Variants in AKT3 observed in about 807,000 individuals in gnomAD.
AKT3 encodes RAC-gamma serine/threonine-protein kinase.
A neutral mutation model predicts 65.3 loss-of-function variants in AKT3; 15 were observed. That is an observed-to-expected ratio of 0.23 (90% confidence interval 0.15 to 0.35). AKT3 has a LOEUF of 0.35. AKT3 is among the 10% of genes least tolerant of loss of function. AKT3 has a pLI of 1.00. For missense variants in AKT3, 243 were observed against 576.5 expected, an observed-to-expected ratio of 0.42 and a Z score of 5.92; for synonymous variants, 206 against 183.8, an observed-to-expected ratio of 1.12 and a Z score of -0.98.
At chr1:243,679,223 C>T (rs1055982923) in intron 3 of AKT3, among the ~76,000 whole-genome samples, 6 of 152,062 alleles carry the variant, frequency 3.9e-5, no homozygotes, top group African/African-American at 1.4e-4. Flanking sequence ...AGCTTCTGGG[C>T]AACAGTAGGA....
At chr1:243,711,309 C>T (rs188225805) in intron 2 of AKT3, among the ~76,000 whole-genome samples, 4 of 152,234 alleles carry the variant, frequency 2.6e-5, no homozygotes, top group East Asian at 1.9e-4. Flanking sequence ...GCCTGGGTGA[C>T]GGAGTGAGAC....
At chr1:243,815,128 T>C (rs188435942) in intron 2 of AKT3, among the ~76,000 whole-genome samples, 1 of 152,296 alleles carries the variant, frequency 6.6e-6, no homozygotes, top group Admixed American at 6.5e-5. Flanking sequence ...TCAATGATCA[T>C]ACGAAGAGGC....
intron 12 of AKT3, among the ~76,000 whole-genome samples, chr1:243,539,890 G>A (rs899221201): frequency 1.4e-4 from 22 of 152,112 alleles, no homozygotes; most frequent in Non-Finnish European, 7.4e-5. Context: ...ATTCATCTGA[G>A]TAACAACAGA....
At chr1:243,850,554 C>A (rs1695737527), upstream of AKT3, among the ~76,000 whole-genome samples, 1 of 151,578 alleles carries the variant, frequency 6.6e-6, no homozygotes, top group Non-Finnish European at 1.5e-5. Flanking sequence ...GCCTCCCCGC[C>A]CCCTCCTTCC....
At chr1:243,708,404 G>T (rs981074377) in intron 2 of AKT3, among the ~76,000 whole-genome samples, 14 of 151,976 alleles carry the variant, frequency 9.2e-5, no homozygotes, top group African/African-American at 3.4e-4. Context: ...TCTGAGGGCA[G>T]TATTACCTAA....
intron 3 of AKT3, chr1:243,687,389 G>C (rs2147998387): frequency 6.6e-6 from 1 of 152,270 alleles, no homozygotes; most frequent in Admixed American, 6.5e-5. Flanking sequence ...CTCTAAAACA[G>C]AAATCTGATC....
chr1:243,663,905 G>T (rs1313268898), intron 4 of AKT3, among the ~76,000 whole-genome samples: 2 of 152,196 alleles, frequency 1.3e-5, no homozygotes, highest in African/African-American at 4.8e-5. Flanking sequence ...AGATCAGGAG[G>T]ATAAAAATGT....
intron 2 of AKT3, among the ~76,000 whole-genome samples, chr1:243,753,724 T>C (rs1039677784): frequency 6.6e-5 from 10 of 152,196 alleles, no homozygotes; most frequent in Admixed American, 3.9e-4. Context: ...TTGTTCTCTA[T>C]TGTCTGCTAT....
chr1:243,670,750 T>A (rs1683103352), intron 3 of AKT3, among the ~76,000 whole-genome samples: 1 of 150,748 alleles, frequency 6.6e-6, no homozygotes, highest in Non-Finnish European at 1.5e-5. Flanking sequence ...TTATATTAGA[T>A]AGTTATACAC....
chr1:243,564,099 A>G (rs1673988436), intron 9 of AKT3, among the ~76,000 whole-genome samples: 1 of 152,232 alleles, frequency 6.6e-6, no homozygotes, highest in Non-Finnish European at 1.5e-5. Flanking sequence ...TTTAAGAGCC[A>G]TTATTTTGTA....
intron 2 of AKT3, among the ~76,000 whole-genome samples, chr1:243,711,127 T>G (rs1290012332): frequency 6.6e-6 from 1 of 152,176 alleles, no homozygotes; most frequent in African/African-American, 2.4e-5. Context: ...CAGACAAGCC[T>G]GGCCAACAAA....
chr1:243,553,678 T>C (rs758975866), intron 10 of AKT3, among the ~76,000 whole-genome samples: 10 of 152,262 alleles, frequency 6.6e-5, no homozygotes, highest in East Asian at 3.9e-4. Flanking sequence ...TCCCAAAATA[T>C]ATTACACGTA....
intron 2 of AKT3, among the ~76,000 whole-genome samples, chr1:243,767,925 CA>C (rs1219147720): frequency 6.6e-6 from 1 of 151,414 alleles, no homozygotes; most frequent in Non-Finnish European, 1.5e-5. Context: ...CTCAAACTGT[CA>C]AAAGTAATGA....
chr1:243,514,309 G>C (rs75429759), intron 12 of AKT3, among the ~76,000 whole-genome samples: 21 of 152,148 alleles, frequency 1.4e-4, no homozygotes, highest in Non-Finnish European at 2.5e-4. Flanking sequence ...TTTTAGATGA[G>C]AGAATGATGA....
In AKT3 at chr1:243,613,663, T is replaced by C; in HGVS notation, c.696+8A>G. 1 of 1,576,808 alleles carries C rather than the reference T, an allele frequency of 6.3e-7. No homozygotes were observed. ...CCATGCAAATACTGGATTTACTTCTTGACTCACCTCGCCCCCATTAACATA... is the reference window on the plus strand; with the variant it reads ...CCATGCAAATACTGGATTTACTTCTCGACTCACCTCGCCCCCATTAACATA... On this transcript the variant is annotated splice_region_variant and intron_variant, in intron 8 of 13. Coordinates refer to ENST00000673466, the MANE Select transcript of AKT3 (RefSeq NM_005465.7).
At chr1:243,589,639 C>T (rs1574664304) in intron 8 of AKT3, among the ~76,000 whole-genome samples, 2 of 152,120 alleles carry the variant, frequency 1.3e-5, no homozygotes, top group East Asian at 3.9e-4. Context: ...CCATAAGAAA[C>T]GAAAAATAGA....
At chr1:243,494,382 A>G (rs915427740) in intron 13 of AKT3, among the ~76,000 whole-genome samples, 1 of 152,236 alleles carries the variant, frequency 6.6e-6, no homozygotes, top group Non-Finnish European at 1.5e-5. Context: ...AGTGACTTGC[A>G]TATTTTTTTA....
chr1:243,636,022 G>C (rs1005716885), intron 6 of AKT3, among the ~76,000 whole-genome samples: 1 of 152,052 alleles, frequency 6.6e-6, no homozygotes, highest in Non-Finnish European at 1.5e-5. Context: ...ACTCAGAAAA[G>C]TGTAAGTAGT....
intron 5 of AKT3, among the ~76,000 whole-genome samples, chr1:243,641,250 G>A (rs1680364063): frequency 1.3e-5 from 1 of 77,988 alleles, no homozygotes; most frequent in Non-Finnish European, 2.9e-5. Flanking sequence ...CCATATATAT[G>A]TGTGTGTGTA....
Sources: allele counts gnomAD v4.1 joint callset (sites outside exome capture counted in the v4.1 genomes callset), GRCh38; gene constraint gnomAD v4.1.1; transcripts MANE v1.5; gene names NCBI Gene and HGNC (gene_info 2026-07-23, HGNC 2026-07-21).